The following URI1 variants were observed in gnomAD, a reference collection of about 807,000 sequenced individuals.
URI1 encodes URI1 prefoldin like chaperone.
In URI1, 39 loss-of-function variants were observed where a neutral mutation model predicts 60.2. The ratio of observed to expected loss-of-function variants is 0.65; its 90% CI spans 0.50 to 0.85. The LOEUF is 0.85. URI1 is among the 40% of genes least tolerant of loss of function. The pLI is 0.00. For synonymous variants in URI1, 251 were observed against 236.8 expected, an observed-to-expected ratio of 1.06 and a Z score of -0.55; for missense variants, 691 against 665.9, an observed-to-expected ratio of 1.04 and a Z score of -0.42.
intron 1 of URI1, among the ~76,000 whole-genome samples, chr19:29,963,660 A>T (rs1480033608): frequency 1.3e-5 from 2 of 151,854 alleles, no homozygotes; most frequent in Non-Finnish European, 2.9e-5. Context: ...AAATCCTGGG[A>T]TTGTGTCTTT....
intron 1 of URI1, among the ~76,000 whole-genome samples, chr19:29,929,560 G>A (rs951627726): frequency 6.6e-6 from 1 of 152,068 alleles, no homozygotes; most frequent in Non-Finnish European, 1.5e-5. Flanking sequence ...TAGTGCCACT[G>A]CACTCCATCC....
intron 8 of URI1, 53 bp downstream of exon 8, chr19:30,009,406 T>TAACA: frequency 6.8e-7 from 1 of 1,460,142 alleles, no homozygotes; most frequent in South Asian, 1.3e-5. Context: ...ACATTAAGCA[T>TAACA]TATGATATTT....
chr19:29,964,135 C>T (rs1243588093), intron 1 of URI1, among the ~76,000 whole-genome samples: 1 of 152,178 alleles, frequency 6.6e-6, no homozygotes, highest in Non-Finnish European at 1.5e-5. Context: ...CAGCCTCTTG[C>T]CTGTGCCTCC....
At chr19:29,985,368 T>G in intron 3 of URI1, 67 bp downstream of exon 3, 1 of 1,348,560 alleles carries the variant, frequency 7.4e-7, no homozygotes. Flanking sequence ...ATGTGTCGGT[T>G]CACAGAATGT....
chr19:29,973,125 G>A (rs2055479158), intron 2 of URI1, among the ~76,000 whole-genome samples: 1 of 152,068 alleles, frequency 6.6e-6, no homozygotes, highest in Non-Finnish European at 1.5e-5. Context: ...CAAGGAAATT[G>A]CTGTTTGGGA....
upstream of URI1, among the ~76,000 whole-genome samples, chr19:29,941,688 C>A (rs1268059677): frequency 6.6e-6 from 1 of 151,022 alleles, no homozygotes; most frequent in Admixed American, 6.6e-5. Flanking sequence ...TTAGTCCATT[C>A]ATAGCAGCAT....
At chr19:29,941,925 C>T (rs991449761), upstream of URI1, among the ~76,000 whole-genome samples, 5 of 151,278 alleles carry the variant, frequency 3.3e-5, no homozygotes, top group Non-Finnish European at 5.9e-5. Context: ...GCACTCAAGG[C>T]GACACGCGGC....
At chr19:29,930,258 TA>T (rs1266193395) in intron 1 of URI1, among the ~76,000 whole-genome samples, 1 of 152,144 alleles carries the variant, frequency 6.6e-6, no homozygotes, top group Non-Finnish European at 1.5e-5. Flanking sequence ...CTTTGATGCA[TA>T]AAAGTTTTTA....
At chr19:29,955,313 A>C (rs1234213677) in intron 1 of URI1, among the ~76,000 whole-genome samples, 1 of 151,962 alleles carries the variant, frequency 6.6e-6, no homozygotes, top group Non-Finnish European at 1.5e-5. Flanking sequence ...GTGTCATCAG[A>C]TATTCAGCTG....
At chr19:30,001,603 T>C (rs2055879147) in intron 4 of URI1, among the ~76,000 whole-genome samples, 1 of 151,924 alleles carries the variant, frequency 6.6e-6, no homozygotes, top group African/African-American at 2.4e-5. Flanking sequence ...TTTCAAACTT[T>C]TATCTAGATC....
At chr19:29,965,990 C>G (rs1490448172) in intron 1 of URI1, among the ~76,000 whole-genome samples, 1 of 152,182 alleles carries the variant, frequency 6.6e-6, no homozygotes, top group Non-Finnish European at 1.5e-5. Flanking sequence ...TCCATCTTAG[C>G]TAACATTTTA....
intron 2 of URI1, among the ~76,000 whole-genome samples, chr19:29,974,552 A>G (rs1302995569): frequency 2.6e-5 from 4 of 152,156 alleles, no homozygotes; most frequent in African/African-American, 9.7e-5. Context: ...TGTTCATTTC[A>G]ACATCTTATC....
At chr19:29,963,444 C>G (rs2055351276) in intron 1 of URI1, among the ~76,000 whole-genome samples, 1 of 151,994 alleles carries the variant, frequency 6.6e-6, no homozygotes, top group African/African-American at 2.4e-5. Flanking sequence ...TGGTTTCTTC[C>G]TGTAGATTTC....
chr19:29,977,656 T>C (rs1486147654), intron 2 of URI1, among the ~76,000 whole-genome samples: 1 of 151,764 alleles, frequency 6.6e-6, no homozygotes, highest in Admixed American at 6.6e-5. Context: ...TGTAGTTGTT[T>C]ATGAAAGTCT....
intron 1 of URI1, among the ~76,000 whole-genome samples, chr19:29,963,471 T>C (rs1279499034): frequency 6.6e-6 from 1 of 152,188 alleles, no homozygotes; most frequent in Admixed American, 6.5e-5. Flanking sequence ...CTAGTGAAAA[T>C]TGCTATTTTT....
At chr19:29,956,893 T>G in intron 1 of URI1, 1 of 1,305,858 alleles carries the variant, frequency 7.7e-7, no homozygotes, top group Non-Finnish European at 1.1e-6. Context: ...TCCGCAGGGT[T>G]CCTCTGGGGC....
chr19:29,977,585 T>TTTTAGTG (rs71333426), intron 2 of URI1, among the ~76,000 whole-genome samples: 1 of 139,376 alleles, frequency 7.2e-6, no homozygotes, highest in African/African-American at 2.7e-5. Flanking sequence ...TCCCTCCTCT[T>TTTTAGTG]GAGCAGAGAG....
chr19:29,990,504 A>G (rs1286937619), intron 4 of URI1, among the ~76,000 whole-genome samples: 4 of 152,240 alleles, frequency 2.6e-5, no homozygotes, highest in Admixed American at 2.0e-4. Context: ...CTAAATGTCT[A>G]TCAACTAATA....
At chr19:29,971,041 C>T in intron 1 of URI1, 152 bp from the exon 2 acceptor site, 1 of 693,924 alleles carries the variant, frequency 1.4e-6, no homozygotes, top group Admixed American at 2.4e-5. Context: ...TAAAAACTAA[C>T]GTTCACATCT....
Sources: gnomAD v4.1 joint callset for allele counts (sites outside exome capture counted in the v4.1 genomes callset) on GRCh38, gnomAD v4.1.1 for gene constraint, MANE v1.5 for transcripts, NCBI Gene and HGNC (gene_info 2026-07-23, HGNC 2026-07-21) for gene names.